TCEA3: variants seen among roughly 807,000 people sequenced by gnomAD.
TCEA3 encodes the protein transcription elongation factor A protein 3.
In TCEA3, 36 loss-of-function variants were observed where a neutral mutation model predicts 44.0. The ratio of observed to expected loss-of-function variants is 0.82; its 90% CI spans 0.63 to 1.08. TCEA3 has a LOEUF of 1.08. TCEA3 is among the 50% of genes least tolerant of loss of function. The pLI, the probability that TCEA3 is intolerant of heterozygous loss-of-function variation, is 0.00. For synonymous variants in TCEA3, 162 were observed against 159.7 expected, an observed-to-expected ratio of 1.01 and a Z score of -0.11; for missense variants, 392 against 441.2, an observed-to-expected ratio of 0.89 and a Z score of 1.00.
intron 5 of TCEA3, among the ~76,000 whole-genome samples, chr1:23,407,024 C>T (rs974770960): frequency 4.6e-5 from 7 of 152,336 alleles, no homozygotes; most frequent in South Asian, 4.1e-4. Flanking sequence ...GACTAACACA[C>T]GCCTCAAATC....
chr1:23,405,137 G>T (rs1175837645), intron 5 of TCEA3, among the ~76,000 whole-genome samples: 2 of 152,298 alleles, frequency 1.3e-5, no homozygotes, highest in South Asian at 4.1e-4. Context: ...ATCTCCACTA[G>T]TCACCCCGTG....
intron 5 of TCEA3, among the ~76,000 whole-genome samples, chr1:23,404,404 T>C (rs927739571): frequency 3.3e-5 from 5 of 151,926 alleles, no homozygotes; most frequent in Non-Finnish European, 7.4e-5. Flanking sequence ...CTCAAATACT[T>C]TCTCTTCCAC....
chr1:23,392,478 C>CAA (rs1639076986), intron 8 of TCEA3, among the ~76,000 whole-genome samples: 1 of 51,068 alleles, frequency 2.0e-5, no homozygotes, highest in Non-Finnish European at 3.8e-5. Flanking sequence ...ATACACACCA[C>CAA]ACACTCCACA....
Position 23,417,330 on chromosome 1 carries a change from T to A in TCEA3, c.299A>T (p.Glu100Val). ...GEEREKAKKK[E>V]KGLECSDWKP... ...CCAGTCTGAACACTCAAGCCCTTTTTCCTTCTTCTTTGCCTTTTCTCTTTC... is the reference window on the plus strand; with the variant it reads ...CCAGTCTGAACACTCAAGCCCTTTTACCTTCTTCTTTGCCTTTTCTCTTTC... The change falls in exon 4 of 11, where the codon GAA becomes GTA. Residue 100 changes from glutamate (E) to valine (V), a missense_variant. By Grantham distance (121) the Glu-to-Val change is moderately radical. Transcript: ENST00000450454. The A allele has an allele frequency of 6.2e-7, 1 of 1,614,060 alleles. No individual in the cohort carries two copies. Among genetic ancestry groups the A allele is most frequent in the Non-Finnish European group, 8.5e-7 (1 of 1,179,898 alleles).
intron 1 of TCEA3, among the ~76,000 whole-genome samples, chr1:23,421,127 C>T (rs192833512): frequency 6.6e-6 from 1 of 152,272 alleles, no homozygotes; most frequent in Non-Finnish European, 1.5e-5. Flanking sequence ...TGGGGGTACA[C>T]AACTCCAAGT....
chr1:23,387,134 T>G, intron 9 of TCEA3, 139 bp downstream of exon 9: 13 of 1,145,882 alleles, frequency 1.1e-5, no homozygotes, highest in Admixed American at 2.8e-5. Flanking sequence ...ATTACAGACA[T>G]GAGCCACCGC....
chr1:23,391,118 GT>G (rs201792270), intron 8 of TCEA3, among the ~76,000 whole-genome samples: 11 of 138,784 alleles, frequency 7.9e-5, no homozygotes, highest in South Asian at 7.2e-4. Context: ...AGATTTTTCT[GT>G]TTTTTTTTCT....
intron 3 of TCEA3, 47 bp from the exon 4 acceptor site, chr1:23,417,437 G>A (rs747202682): frequency 2.5e-6 from 4 of 1,588,704 alleles, no homozygotes; most frequent in Non-Finnish European, 3.4e-6. Context: ...CTCTGTCTCA[G>A]CAGAACCCAG....
intron 5 of TCEA3, among the ~76,000 whole-genome samples, chr1:23,400,652 C>A (rs1189065574): frequency 1.3e-5 from 2 of 152,122 alleles, no homozygotes; most frequent in Non-Finnish European, 2.9e-5. Context: ...TCAGAATCTG[C>A]CAGCCAGCCC....
intron 3 of TCEA3, 63 bp from the exon 4 acceptor site, chr1:23,417,453 C>T: frequency 6.4e-7 from 1 of 1,564,658 alleles, no homozygotes; most frequent in Non-Finnish European, 8.6e-7. Context: ...CCCAGCATGA[C>T]TTAGTGGGGA....
At chr1:23,417,776 C>T (rs1219244019) in intron 3 of TCEA3, 128 bp downstream of exon 3, 2 of 837,896 alleles carry the variant, frequency 2.4e-6, no homozygotes, top group East Asian at 5.3e-5. Flanking sequence ...CTCCCGGATC[C>T]AGAGGCCATC....
chr1:23,418,134 GC>G, intron 2 of TCEA3, 125 bp from the exon 3 acceptor site: 1 of 908,234 alleles, frequency 1.1e-6, no homozygotes, highest in Non-Finnish European at 1.7e-6. Context: ...CAGAGTCCTA[GC>G]CCTGACTCCT....
chr1:23,402,768 C>A (rs78510002), intron 5 of TCEA3, among the ~76,000 whole-genome samples: 2,355 of 152,280 alleles, frequency 0.015, 60 homozygotes, highest in African/African-American at 0.053. Flanking sequence ...GACCCTGTCA[C>A]GGGTTCACCA....
At chr1:23,386,090 G>A (rs777749448) in intron 9 of TCEA3, among the ~76,000 whole-genome samples, 2 of 152,304 alleles carry the variant, frequency 1.3e-5, no homozygotes, top group African/African-American at 2.4e-5. Context: ...ACCAAGCCTC[G>A]TAGACACATA....
intron 5 of TCEA3, among the ~76,000 whole-genome samples, chr1:23,408,109 C>G (rs866144268): frequency 1.3e-5 from 2 of 152,020 alleles, no homozygotes; most frequent in Non-Finnish European, 2.9e-5. Context: ...TTACAGGTGC[C>G]CACCACCATG....
At chr1:23,392,544 C>CACACTCCA (rs1558031041) in intron 8 of TCEA3, among the ~76,000 whole-genome samples, 1 of 63,724 alleles carries the variant, frequency 1.6e-5, no homozygotes, top group African/African-American at 6.3e-5. Context: ...ATCATACACG[C>CACACTCCA]CACATACACT....
rs1263624815 is a variant in TCEA3, at chr1:23,381,269, A to G, written c.*197T>C. On this transcript the variant is annotated 3_prime_UTR_variant, in exon 11 of 11. Coordinates refer to ENST00000450454, the MANE Select transcript of TCEA3 (RefSeq NM_003196.3). The stretch of plus-strand genomic sequence containing the variant: ...TACAAATTCTCAGCATCATTCTCCA[A>G]TTAGGCTCCCCCATTAACCAATTGT... The G allele has an allele frequency of 8.3e-6, 5 of 599,394 alleles. No individual in the cohort carries two copies. The highest frequency in any genetic ancestry group is 5.6e-5 in the African/African-American group (3 of 53,690). The allele number at this position is 599,394 out of a possible 1,614,324, so 37.1% of individuals were successfully genotyped here.
In TCEA3 at chr1:23,387,404, C is replaced by A. The variant is rs1638879270; in HGVS notation, c.835G>T (p.Glu279Ter). ...KMTAEEMASDELRELRNAMTQ... is the reference protein window; with the variant it reads ...KMTAEEMASD ...ATGGCATTCCTCAACTCCCTCAGTTCATCACTGGCCATTTCCTGGAGAAAA... is the reference window on the plus strand; with the variant it reads ...ATGGCATTCCTCAACTCCCTCAGTTAATCACTGGCCATTTCCTGGAGAAAA... Residue 279 changes from glutamate (E) to a stop codon, truncating the protein, a stop_gained, in exon 9 of 11, where the codon GAA becomes TAA. Coordinates refer to ENST00000450454, the MANE Select transcript of TCEA3 (RefSeq NM_003196.3). LOFTEE classifies it high-confidence loss of function. 1.2e-6 allele frequency: 2 copies of A among 1,604,670 alleles called. No individual in the cohort carries two copies. The highest frequency in any genetic ancestry group is 1.7e-6 in the Non-Finnish European group (2 of 1,175,388).
In TCEA3 at chr1:23,401,814, C is replaced by T. The variant is rs563329945; in HGVS notation, c.444-3859G>A. Among the ~76,000 whole-genome samples, 230 of 152,230 alleles carry T rather than the reference C, an allele frequency of 1.5e-3. 1 individual carries two copies. The highest frequency in any genetic ancestry group is 5.4e-3 in the African/African-American group (225 of 41,536). ...TACCAGTCTGTGGCCTGTTAGGAAC[C>T]GGGCCACACATCAGGAGGTGGGCCC... On this transcript the variant is annotated intron_variant, in intron 5 of 10. Coordinates refer to ENST00000450454, the MANE Select transcript of TCEA3 (RefSeq NM_003196.3).
Sources: gnomAD v4.1 joint callset for allele counts (sites outside exome capture counted in the v4.1 genomes callset) on GRCh38, gnomAD v4.1.1 for gene constraint, MANE v1.5 for transcripts, NCBI Gene and HGNC (gene_info 2026-07-23, HGNC 2026-07-21) for gene names.